The following FAM53A variants were observed in gnomAD, a reference collection of about 807,000 sequenced individuals.
FAM53A encodes protein FAM53A.
A neutral mutation model predicts 26.6 loss-of-function variants in FAM53A; 28 were observed. That is an observed-to-expected ratio of 1.05 (90% CI 0.78 to 1.45). The LOEUF (loss-of-function observed/expected upper bound fraction) is 1.45. Among genes scored for constraint, FAM53A ranks in the 40% most tolerant of loss-of-function variants. The pLI is 0.00. For missense variants in FAM53A, 650 were observed against 575.8 expected (o/e 1.13, Z -1.32); for synonymous variants, 290 against 253.1 (o/e 1.15, Z -1.38).
Position 1,657,431 on chromosome 4 carries a change from C to T in FAM53A, c.113G>A (p.Arg38His), listed in dbSNP as rs771138237. 28 of 1,613,706 alleles carry T rather than the reference C, an allele frequency of 1.7e-5. No homozygotes were observed. In the Admixed American group the frequency reaches 2.8e-4, roughly 16 times the overall value. ...ACCGTTGAGCTCCAAAGGGAACAGACGACCGCTCTTGTTCAGGGTTTCCGC... is the reference window on the plus strand; with the variant it reads ...ACCGTTGAGCTCCAAAGGGAACAGATGACCGCTCTTGTTCAGGGTTTCCGC... ...YSAETLNKSG[R>H]LFPLELNDQS... The change falls in exon 3 of 5, where the codon CGT becomes CAT. Residue 38 changes from arginine to histidine, a missense_variant. Transcript: ENST00000308132.
intron 4 of FAM53A, among the ~76,000 whole-genome samples, chr4:1,652,825 CCACCACA>C (rs1471846430): frequency 3.4e-5 from 5 of 145,594 alleles, no homozygotes; most frequent in Non-Finnish European, 7.6e-5. Flanking sequence ...CACATACTAC[CCACCACA>C]CACCACACGC....
intron 1 of FAM53A, among the ~76,000 whole-genome samples, chr4:1,625,585 G>A (rs1715254435): frequency 3.7e-5 from 3 of 80,394 alleles, no homozygotes; most frequent in Non-Finnish European, 5.1e-5. Flanking sequence ...GGTCACGCCA[G>A]GTGATCAGAA....
In FAM53A at chr4:1,634,770, C is replaced by T. The variant is rs559440977; in HGVS notation, c.432-16659G>A. On this transcript the variant is annotated intron_variant, in intron 1 of 1. Coordinates refer to the FAM53A transcript ENST00000489029. ...AAAAAATTAGCCAGGCATGGTGGTG[C>T]GCGCCTGTAATCCCAGTTACTCGGG... 2.7e-3 allele frequency among the ~76,000 whole-genome samples: 409 copies of T among 152,036 alleles called. 1 individual carries two copies. Among genetic ancestry groups the T allele is most frequent in the African/African-American group, 9.6e-3 (398 of 41,450 alleles).
At chr4:1,600,436 C>T in the FAM53A span, among the ~76,000 whole-genome samples, 2 of 152,166 alleles carry the variant, frequency 1.3e-5, no homozygotes, top group African/African-American at 4.8e-5. Context: ...CCCTCAGCCC[C>T]TCCCCTACTG....
intron 1 of FAM53A, among the ~76,000 whole-genome samples, chr4:1,633,137 C>T (rs929960525): frequency 7.5e-6 from 1 of 133,530 alleles, no homozygotes; most frequent in Non-Finnish European, 1.7e-5. Flanking sequence ...CATGCTCACA[C>T]ACATAGGTAC....
chr4:1,663,289 A>G (rs185905269), intron 2 of FAM53A, among the ~76,000 whole-genome samples: 1 of 152,342 alleles, frequency 6.6e-6, no homozygotes, highest in East Asian at 1.9e-4. Flanking sequence ...GTTCCTCAAA[A>G]TGTTAAACAT....
intron 1 of FAM53A, among the ~76,000 whole-genome samples, chr4:1,626,349 A>T (rs1034741102): frequency 1.3e-5 from 2 of 152,206 alleles, no homozygotes. Flanking sequence ...GCAGAAGCTG[A>T]CCCAGACAGC....
At chr4:1,654,104 G>A (rs1007408329) in intron 4 of FAM53A, among the ~76,000 whole-genome samples, 39 of 152,292 alleles carry the variant, frequency 2.6e-4, no homozygotes, top group Admixed American at 2.0e-3. Flanking sequence ...CACTGATCCC[G>A]CCCCACCCTA....
At chr4:1,642,558 C>A (rs1297046173) in intron 4 of FAM53A, among the ~76,000 whole-genome samples, 1 of 152,206 alleles carries the variant, frequency 6.6e-6, no homozygotes, top group South Asian at 2.1e-4. Flanking sequence ...TCCACCCAGG[C>A]GTGCTCTCTT....
At chr4:1,625,807 C>A (rs1349724963) in intron 1 of FAM53A, among the ~76,000 whole-genome samples, 1 of 152,044 alleles carries the variant, frequency 6.6e-6, no homozygotes, top group Non-Finnish European at 1.5e-5. Context: ...CACGTCCCGG[C>A]CCACGTGGTC....
At chr4:1,609,314 C>T in the FAM53A span, among the ~76,000 whole-genome samples, 6 of 152,262 alleles carry the variant, frequency 3.9e-5, no homozygotes, top group African/African-American at 1.4e-4. Context: ...CAGGTCCTGA[C>T]AGGCTCCAGG....
intron 1 of FAM53A, among the ~76,000 whole-genome samples, chr4:1,618,519 C>T (rs1714892903): frequency 6.6e-6 from 1 of 152,194 alleles, no homozygotes; most frequent in Admixed American, 6.5e-5. Context: ...TCTCCTGGCC[C>T]TGCTGTGCCC....
intron 1 of FAM53A, among the ~76,000 whole-genome samples, chr4:1,674,897 A>G (rs1435040922): frequency 6.6e-6 from 1 of 152,188 alleles, no homozygotes; most frequent in Non-Finnish European, 1.5e-5. Flanking sequence ...TTCTGAGGCC[A>G]GTCTCCAGTC....
At chr4:1,608,457 C>A in the FAM53A span, among the ~76,000 whole-genome samples, 1 of 152,222 alleles carries the variant, frequency 6.6e-6, no homozygotes, top group Non-Finnish European at 1.5e-5. Flanking sequence ...GCGCCAGCCA[C>A]GGGTGGAGGC....
upstream of FAM53A, among the ~76,000 whole-genome samples, chr4:1,685,581 G>A (rs1715766912): frequency 6.6e-6 from 1 of 152,158 alleles, no homozygotes; most frequent in Admixed American, 6.5e-5. Context: ...TTCTGGGCCT[G>A]GTAAGGCTAG....
At chr4:1,591,883 A>G in the FAM53A span, among the ~76,000 whole-genome samples, 1 of 152,050 alleles carries the variant, frequency 6.6e-6, no homozygotes, top group Non-Finnish European at 1.5e-5. Flanking sequence ...CCAGCTGCCC[A>G]CCCCTTTCTG....
downstream of FAM53A, among the ~76,000 whole-genome samples, chr4:1,615,698 T>C (rs1430124294): frequency 3.9e-5 from 6 of 152,256 alleles, no homozygotes; most frequent in Non-Finnish European, 7.3e-5. Context: ...CCCGAATTGT[T>C]TGCTGCTCCT....
chr4:1,575,914 G>A, the FAM53A span, among the ~76,000 whole-genome samples: 309 of 152,234 alleles, frequency 2.0e-3, no homozygotes, highest in Middle Eastern at 0.014. Context: ...CCTCACCCCC[G>A]GGACCCCCTG....
chr4:1,640,407 C>A lies in FAM53A; in HGVS notation c.*886G>T. The A allele has an allele frequency of 3.8e-6, 1 of 265,624 alleles. No individual in the cohort carries two copies. The highest frequency in any genetic ancestry group is 3.5e-5 in the South Asian group (1 of 28,234). The allele number at this position is 265,624 out of a possible 1,614,324, so 16.5% of individuals were successfully genotyped here. Reference sequence around the variant, plus strand: ...GCCCGGGGTTTCCTAGCAACTAAAGCACACAAGGCGCCCTGCACAGCAGGC... The same window carrying A: ...GCCCGGGGTTTCCTAGCAACTAAAGAACACAAGGCGCCCTGCACAGCAGGC... On this transcript the variant is annotated 3_prime_UTR_variant, in exon 5 of 5. Coordinates refer to ENST00000308132, the MANE Select transcript of FAM53A (RefSeq NM_001174070.3).
Sources: allele counts gnomAD v4.1 joint callset (sites outside exome capture counted in the v4.1 genomes callset), GRCh38; gene constraint gnomAD v4.1.1; transcripts MANE v1.5; gene names NCBI Gene and HGNC (gene_info 2026-07-23, HGNC 2026-07-21).